APBA2: variants seen among roughly 807,000 people sequenced by gnomAD.
APBA2 encodes the protein amyloid-beta A4 precursor protein-binding family A member 2.
Under a neutral mutation model 75.0 loss-of-function variants are expected in APBA2, and 30 were observed. The observed-to-expected ratio is 0.40, with a 90% confidence interval of 0.30 to 0.54. The LOEUF is 0.54. Among genes scored for constraint, APBA2 ranks in the 20% least tolerant of loss-of-function variants. The probability of loss-of-function intolerance (pLI) is 0.49; values close to 1 mark genes in which losing one functional copy is unlikely to be tolerated. For missense variants in APBA2, 801 were observed against 1,016.1 expected (o/e 0.79, Z 2.88); for synonymous variants, 444 against 409.6 (o/e 1.08, Z -1.01).
intron 13 of APBA2, among the ~76,000 whole-genome samples, chr15:29,111,191 G>A (rs759364230): frequency 2.3e-4 from 35 of 151,922 alleles, no homozygotes; most frequent in Admixed American, 9.2e-4. Context: ...TCTGAGTTCC[G>A]GAGTGATGGA....
intron 13 of APBA2, among the ~76,000 whole-genome samples, chr15:29,113,178 A>C (rs959865080): frequency 6.6e-6 from 1 of 151,720 alleles, no homozygotes; most frequent in African/African-American, 2.4e-5. Flanking sequence ...CATTCTGTCC[A>C]GTCTCGTGGT....
intron 10 of APBA2, among the ~76,000 whole-genome samples, chr15:29,104,585 G>A (rs183543102): frequency 7.2e-5 from 11 of 152,376 alleles, no homozygotes; most frequent in African/African-American, 1.9e-4. Flanking sequence ...CATGGGGCCT[G>A]TGTGGAGTCC....
intron 10 of APBA2, among the ~76,000 whole-genome samples, chr15:29,103,628 T>G (rs114860430): frequency 6.6e-6 from 1 of 152,242 alleles, no homozygotes; most frequent in East Asian, 1.9e-4. Flanking sequence ...CTCCCCGGGC[T>G]TGGAGCTTCC....
chr15:29,079,713 A>C (rs1307261016), intron 6 of APBA2, among the ~76,000 whole-genome samples: 1 of 152,038 alleles, frequency 6.6e-6, no homozygotes, highest in African/African-American at 2.4e-5. Context: ...CAGCTCCTCC[A>C]CCCTATTTGT....
intron 2 of APBA2, among the ~76,000 whole-genome samples, chr15:28,990,231 G>A (rs1331985022): frequency 1.3e-5 from 2 of 152,104 alleles, no homozygotes. Context: ...CCAACGTGGC[G>A]AAACTGCGTC....
At chr15:28,997,568 T>G (rs2038596891) in intron 3 of APBA2, among the ~76,000 whole-genome samples, 1 of 152,146 alleles carries the variant, frequency 6.6e-6, no homozygotes, top group African/African-American at 2.4e-5. Context: ...CATGATTCCA[T>G]AAAATTCCAG....
chr15:28,897,143 A>T (rs1189973545), intron 1 of APBA2, among the ~76,000 whole-genome samples: 1 of 151,814 alleles, frequency 6.6e-6, no homozygotes, highest in Non-Finnish European at 1.5e-5. Flanking sequence ...ATCAACAAGA[A>T]AATGAGAGAA....
intron 3 of APBA2, among the ~76,000 whole-genome samples, chr15:29,013,729 G>A (rs2039519331): frequency 6.6e-6 from 1 of 152,158 alleles, no homozygotes; most frequent in South Asian, 2.1e-4. Context: ...TTGATGAAAG[G>A]AGCAATTGGA....
At chr15:29,039,217 G>GAGGGGGTC (rs1566934860) in intron 3 of APBA2, among the ~76,000 whole-genome samples, 1 of 151,426 alleles carries the variant, frequency 6.6e-6, no homozygotes. Flanking sequence ...AGATTCCTGT[G>GAGGGGGTC]AGGGGGTCAG....
chr15:29,090,487 A>T (rs2043507288), intron 6 of APBA2, among the ~76,000 whole-genome samples: 1 of 152,198 alleles, frequency 6.6e-6, no homozygotes, highest in South Asian at 2.1e-4. Context: ...GGAGAAGCCA[A>T]GGGGCAGTGC....
chr15:29,094,290 G>A lies in APBA2; in HGVS notation c.1228G>A (p.Ala410Thr). The change falls in exon 8 of 15, where the codon GCT (alanine) becomes ACT (threonine). Residue 410 changes from alanine (A) to threonine (T), a missense_variant. By Grantham distance (58) the Ala-to-Thr change is moderately conservative (BLOSUM62 0). Around this residue, in one of 2 missense-constraint regions of APBA2, gnomAD observed 367 missense variants for 544.5 expected, o/e 0.67. Transcript: ENST00000683413. ...TCCATGCTGTCAGAGGATGCAAAAG[G>A]CTGCTAAGATCAAGAAAAAAGCGGT... ...AVSRVKRMQKAAKIKKKANSE... is the reference protein window; with the variant it reads ...AVSRVKRMQKTAKIKKKANSE... The A allele has an allele frequency of 1.2e-6, 2 of 1,614,230 alleles. No individual in the cohort carries two copies. Among genetic ancestry groups the A allele is most frequent in the South Asian group, 2.2e-5 (2 of 91,076 alleles).
intron 6 of APBA2, among the ~76,000 whole-genome samples, chr15:29,082,431 A>T (rs939218690): frequency 2.0e-5 from 3 of 152,294 alleles, no homozygotes; most frequent in Admixed American, 6.5e-5. Context: ...ACAATACAGG[A>T]TTATTAACTA....
At chr15:28,996,261 G>GC (rs1182276723) in intron 3 of APBA2, among the ~76,000 whole-genome samples, 2 of 152,182 alleles carry the variant, frequency 1.3e-5, no homozygotes, top group African/African-American at 4.8e-5. Context: ...GTGGGCAGTG[G>GC]CTGGTCTACT....
At chr15:28,974,759 C>G (rs2037247175) in intron 2 of APBA2, among the ~76,000 whole-genome samples, 1 of 152,130 alleles carries the variant, frequency 6.6e-6, no homozygotes, top group Non-Finnish European at 1.5e-5. Context: ...AAATATATCA[C>G]TCTGTGGAAT....
Position 29,055,881 on chromosome 15 carries a change from G to A in APBA2, c.951+1046G>A, listed in dbSNP as rs544069366. 4.1e-4 allele frequency among the ~76,000 whole-genome samples: 62 copies of A among 152,266 alleles called. 1 individual carries two copies. Among genetic ancestry groups the A allele is most frequent in the African/African-American group, 1.1e-3 (45 of 41,542 alleles). On this transcript the variant is annotated intron_variant, in intron 4 of 14. Transcript: ENST00000683413. ...TGTTCCTGTCATTCACAGCAATTCC[G>A]TGTTTACAGGGGGCTGTGGGATGCA...
chr15:28,953,813 C>G (rs1325073834), intron 2 of APBA2, among the ~76,000 whole-genome samples: 1 of 152,170 alleles, frequency 6.6e-6, no homozygotes, highest in Admixed American at 6.5e-5. Flanking sequence ...TCCCTGCGGT[C>G]AGTCCATGCC....
chr15:28,983,785 C>T (rs2037752367), intron 2 of APBA2, among the ~76,000 whole-genome samples: 1 of 152,202 alleles, frequency 6.6e-6, no homozygotes, highest in Admixed American at 6.5e-5. Flanking sequence ...ATTGCCTTCT[C>T]CCGAGAAACC....
rs548921029 is a variant in APBA2, at chr15:29,072,607, G to T, written c.952-2314G>T. On this transcript the variant is annotated intron_variant, in intron 4 of 14. Transcript: ENST00000683413. ...TGTCTGCTCCACTTGGTCAGTGCAG[G>T]GTCTACTGCAACAGAGTCTCGGGTG... is the stretch of plus-strand genomic sequence containing the variant. Among the ~76,000 whole-genome samples, 3 of 152,172 alleles carry T rather than the reference G, an allele frequency of 2.0e-5. No homozygotes were observed. In the South Asian group the frequency reaches 6.3e-4, roughly 32 times the overall value.
chr15:28,949,970 T>C (rs1395261876), intron 2 of APBA2, among the ~76,000 whole-genome samples: 1 of 152,162 alleles, frequency 6.6e-6, no homozygotes, highest in African/African-American at 2.4e-5. Context: ...TATTCCAATT[T>C]CCTTAGTTTT....
Sources: gnomAD v4.1 joint callset for allele counts (sites outside exome capture counted in the v4.1 genomes callset) on GRCh38, gnomAD v4.1.1 for gene constraint, gnomAD v4.1.1 regional missense constraint, MANE v1.5 for transcripts, NCBI Gene and HGNC (gene_info 2026-07-23, HGNC 2026-07-21) for gene names.